CHODL: variants seen among roughly 807,000 people sequenced by gnomAD.
The protein encoded by CHODL is chondrolectin.
CHODL carries 29 observed loss-of-function variants against 34.5 expected under a neutral mutation model. That is an observed-to-expected ratio of 0.84 (90% CI 0.63 to 1.15). The LOEUF (loss-of-function observed/expected upper bound fraction) is 1.15. Ranked by LOEUF, CHODL falls within the 50% of genes most tolerant of loss-of-function variation. CHODL has a pLI of 0.00. For missense variants in CHODL, 332 were observed against 332.5 expected, an observed-to-expected ratio of 1.00 and a Z score of 0.01; for synonymous variants, 125 against 116.1, an observed-to-expected ratio of 1.08 and a Z score of -0.49.
At chr21:17,990,525 T>G (rs1483665775) in intron 1 of CHODL, among the ~76,000 whole-genome samples, 1 of 152,152 alleles carries the variant, frequency 6.6e-6, no homozygotes, top group African/African-American at 2.4e-5. Flanking sequence ...TATACTAACA[T>G]TTCCACTACG....
intron 2 of CHODL, 35 bp from the exon 3 acceptor site, chr21:18,256,935 T>G: frequency 6.3e-7 from 1 of 1,599,450 alleles, no homozygotes; most frequent in Admixed American, 1.7e-5. Context: ...TTAGTAGGCA[T>G]GTATCTGAGT....
At chr21:17,975,300 C>CG (rs1052226800) in intron 1 of CHODL, among the ~76,000 whole-genome samples, 1 of 151,788 alleles carries the variant, frequency 6.6e-6, no homozygotes, top group Non-Finnish European at 1.5e-5. Context: ...GAGTGAAGGG[C>CG]GGGAGGAGGG....
At chr21:18,249,456 C>T (rs1184536406) in intron 1 of CHODL, among the ~76,000 whole-genome samples, 1 of 151,850 alleles carries the variant, frequency 6.6e-6, no homozygotes, top group Non-Finnish European at 1.5e-5. Context: ...GAGACAGAGG[C>T]AACATTAATT....
chr21:18,027,733 C>T (rs2064191070), intron 1 of CHODL: 1 of 152,198 alleles, frequency 6.6e-6, no homozygotes, highest in Non-Finnish European at 1.5e-5. Context: ...AATTCTAACG[C>T]ATAACGTGGT....
chr21:17,992,430 C>T (rs889569553), intron 1 of CHODL, among the ~76,000 whole-genome samples: 2 of 152,124 alleles, frequency 1.3e-5, no homozygotes, highest in Non-Finnish European at 2.9e-5. Flanking sequence ...GTTAATTCTT[C>T]CAATCCATGA....
At chr21:17,977,362 T>TA (rs1358259069) in intron 1 of CHODL, among the ~76,000 whole-genome samples, 3 of 139,146 alleles carry the variant, frequency 2.2e-5, no homozygotes, top group African/African-American at 7.8e-5. Flanking sequence ...TTGGCTGTTT[T>TA]ACTTTTTTTT....
Position 18,028,282 on chromosome 21 carries a change from CCTTCCT to C in CHODL, c.-45+312_-45+317del, listed in dbSNP as rs1568851116. Among the ~76,000 whole-genome samples, 148 of 102,966 alleles carry C rather than the reference CCTTCCT, an allele frequency of 1.4e-3. 5 individuals are homozygous for C. Among genetic ancestry groups the C allele is most frequent in the African/African-American group, 5.0e-3 (141 of 28,434 alleles). 67.5% of individuals were successfully genotyped at this position (102,966 alleles called of 152,430 possible). On this transcript the variant is annotated intron_variant, in intron 2 of 6. Transcript: ENST00000400127. ...TCTTTTTCTTTTTCCTTTTCCCCTT[CCTTCCT>C]TCCTTCCTTCCTTCCTTCCTTCCTT... is the stretch of plus-strand genomic sequence containing the variant.
chr21:18,212,907 T>C (rs1427963356), intron 2 of CHODL, among the ~76,000 whole-genome samples: 2 of 152,134 alleles, frequency 1.3e-5, no homozygotes, highest in African/African-American at 4.8e-5. Flanking sequence ...CAAACAAAGA[T>C]GAAAGCAAAA....
At chr21:18,010,808 A>G (rs377639989) in intron 1 of CHODL, among the ~76,000 whole-genome samples, 2 of 152,356 alleles carry the variant, frequency 1.3e-5, no homozygotes, top group East Asian at 3.9e-4. Flanking sequence ...GCTTTTTAGC[A>G]TTGCATTATG....
chr21:17,949,746 G>A (rs960279676), intron 1 of CHODL, among the ~76,000 whole-genome samples: 2 of 152,144 alleles, frequency 1.3e-5, no homozygotes, highest in African/African-American at 4.8e-5. Flanking sequence ...CCAGAGAGAT[G>A]GATGGGCAAC....
At chr21:18,012,267 A>G (rs1012292709) in intron 1 of CHODL, among the ~76,000 whole-genome samples, 15 of 152,318 alleles carry the variant, frequency 9.8e-5, no homozygotes, top group African/African-American at 3.6e-4. Context: ...TGTCATCACA[A>G]TCATTCTTCC....
chr21:18,237,515 A>G (rs748637881), intron 2 of CHODL, among the ~76,000 whole-genome samples: 37 of 152,142 alleles, frequency 2.4e-4, no homozygotes, highest in Non-Finnish European at 4.6e-4. Flanking sequence ...GCCTTCTTTC[A>G]TCTCCTTTAC....
intron 2 of CHODL, among the ~76,000 whole-genome samples, chr21:18,206,612 C>G (rs867518277): frequency 5.3e-5 from 8 of 150,670 alleles, no homozygotes; most frequent in Non-Finnish European, 1.2e-4. Flanking sequence ...TTCAGTCACT[C>G]TCTGTGTTTT....
intron 2 of CHODL, among the ~76,000 whole-genome samples, chr21:18,060,708 C>CAAAAAAAA (rs1466285414): frequency 1.9e-5 from 1 of 51,390 alleles, no homozygotes; most frequent in African/African-American, 7.8e-5. Context: ...ACTCCTCGGA[C>CAAAAAAAA]CAAAAAAAAA....
chr21:18,211,982 C>A (rs1456003559), intron 2 of CHODL, among the ~76,000 whole-genome samples: 1 of 152,056 alleles, frequency 6.6e-6, no homozygotes, highest in East Asian at 1.9e-4. Flanking sequence ...AAAAATAAAT[C>A]ATAATTGTTA....
chr21:18,210,370 A>T (rs1249379510), intron 2 of CHODL, among the ~76,000 whole-genome samples: 1 of 152,120 alleles, frequency 6.6e-6, no homozygotes, highest in East Asian at 1.9e-4. Flanking sequence ...GGGGGATGGG[A>T]TGCAGGTGGT....
intron 2 of CHODL, among the ~76,000 whole-genome samples, chr21:18,110,276 T>C (rs139502932): frequency 7.6e-4 from 116 of 152,320 alleles, no homozygotes; most frequent in African/African-American, 2.3e-3. Context: ...GTTCACATCA[T>C]GGTGATGTAA....
In CHODL at chr21:18,244,853, C is replaced by T; in HGVS notation, c.-371C>T. 4.6e-6 allele frequency: 1 copy of T among 215,400 alleles called. No individual in the cohort carries two copies. The highest frequency in any genetic ancestry group is 9.1e-6 in the Non-Finnish European group (1 of 110,114). 13.3% of individuals were successfully genotyped at this position (215,400 alleles called of 1,614,324 possible). A position where few individuals can be genotyped will look rare whatever the true frequency, so the allele number is the denominator to read the frequency against. ...CGGCTGCTGCTGCTGTGATCCAGGA[C>T]CAGGGCGCACCGGCTCAGCCTCTCA... On this transcript the variant is annotated 5_prime_UTR_variant, in exon 1 of 6. Coordinates refer to ENST00000299295, the MANE Select transcript of CHODL (RefSeq NM_024944.3).
chr21:17,928,914 A>G (rs969119205), intron 1 of CHODL, among the ~76,000 whole-genome samples: 1 of 152,232 alleles, frequency 6.6e-6, no homozygotes, highest in Non-Finnish European at 1.5e-5. Context: ...TTATTCTAGG[A>G]TAGTATTAGT....
Sources: allele counts gnomAD v4.1 joint callset (sites outside exome capture counted in the v4.1 genomes callset), GRCh38; gene constraint gnomAD v4.1.1; transcripts MANE v1.5; gene names NCBI Gene and HGNC (gene_info 2026-07-23, HGNC 2026-07-21).